SYN3: variants seen among roughly 807,000 people sequenced by gnomAD.
The protein encoded by SYN3 is synapsin III.
Under a neutral mutation model 65.8 loss-of-function variants are expected in SYN3, and 35 were observed. The observed-to-expected ratio is 0.53, with a 90% CI of 0.41 to 0.70. SYN3 has a LOEUF of 0.70. Among genes scored for constraint, SYN3 ranks in the 30% least tolerant of loss-of-function variants. The probability of loss-of-function intolerance (pLI) is 0.00; values close to 1 mark genes in which losing one functional copy is unlikely to be tolerated. For synonymous variants in SYN3, 270 were observed against 292.9 expected (o/e 0.92, Z 0.80); for missense variants, 680 against 749.0 (o/e 0.91, Z 1.08).
At chr22:32,624,448 T>C (rs1295914503) in intron 6 of SYN3, among the ~76,000 whole-genome samples, 1 of 152,176 alleles carries the variant, frequency 6.6e-6, no homozygotes, top group Non-Finnish European at 1.5e-5. Context: ...TGAAATACTT[T>C]CATCTCATTG....
At chr22:32,619,362 T>C (rs1456810155) in intron 6 of SYN3, among the ~76,000 whole-genome samples, 2 of 152,220 alleles carry the variant, frequency 1.3e-5, no homozygotes, top group Non-Finnish European at 2.9e-5. Flanking sequence ...CAGCCTTTGA[T>C]CCCAAAATGT....
At chr22:32,889,318 T>A (rs2049376275) in intron 4 of SYN3, among the ~76,000 whole-genome samples, 1 of 152,014 alleles carries the variant, frequency 6.6e-6, no homozygotes, top group South Asian at 2.1e-4. Context: ...TTCTAAACAC[T>A]CTTGCTTCAG....
intron 5 of SYN3, among the ~76,000 whole-genome samples, chr22:32,868,423 C>T (rs2048747807): frequency 1.3e-5 from 2 of 150,962 alleles, no homozygotes; most frequent in Non-Finnish European, 2.9e-5. Context: ...TATATATTAA[C>T]GTATATGCAT....
chr22:33,056,821 A>G (rs1325227761), intron 1 of SYN3, among the ~76,000 whole-genome samples: 2 of 151,964 alleles, frequency 1.3e-5, no homozygotes, highest in Non-Finnish European at 2.9e-5. Context: ...TCTTTCTACT[A>G]CACCAATCTA....
At chr22:32,682,189 G>A (rs987755604) in intron 6 of SYN3, among the ~76,000 whole-genome samples, 1 of 152,094 alleles carries the variant, frequency 6.6e-6, no homozygotes, top group Non-Finnish European at 1.5e-5. Context: ...GAGTGGGGGT[G>A]GGATGCTACT....
intron 6 of SYN3, among the ~76,000 whole-genome samples, chr22:32,834,511 T>G (rs2047673981): frequency 6.6e-6 from 1 of 152,104 alleles, no homozygotes; most frequent in Admixed American, 6.5e-5. Flanking sequence ...GAGTAAGAAG[T>G]GTCACATGCA....
chr22:32,708,652 C>T (rs2060912669), intron 6 of SYN3, among the ~76,000 whole-genome samples: 1 of 152,214 alleles, frequency 6.6e-6, no homozygotes, highest in Admixed American at 6.5e-5. Context: ...ACAGAAGCAG[C>T]TTGCCTGAGG....
At chr22:32,900,765 A>G (rs1262117814) in intron 4 of SYN3, among the ~76,000 whole-genome samples, 1 of 152,204 alleles carries the variant, frequency 6.6e-6, no homozygotes, top group Non-Finnish European at 1.5e-5. Context: ...TACTATGGTC[A>G]TTATCTCACC....
intron 7 of SYN3, among the ~76,000 whole-genome samples, chr22:32,552,245 C>CAAAAACA (rs899101150): frequency 1.3e-5 from 2 of 151,440 alleles, no homozygotes; most frequent in South Asian, 2.1e-4. Context: ...GACTCCATCT[C>CAAAAACA]AAAAACAAAA....
chr22:32,998,280 C>G (rs2052947367), intron 2 of SYN3, among the ~76,000 whole-genome samples: 1 of 152,134 alleles, frequency 6.6e-6, no homozygotes, highest in Non-Finnish European at 1.5e-5. Context: ...AAGGTGCTTA[C>G]CAATGGGTGT....
intron 4 of SYN3, among the ~76,000 whole-genome samples, chr22:32,902,119 C>T (rs2049776885): frequency 6.6e-6 from 1 of 152,226 alleles, no homozygotes; most frequent in South Asian, 2.1e-4. Flanking sequence ...AGTGGAGGCA[C>T]CTTCCAGGCA....
chr22:32,593,441 GGAGA>G (rs1045923194), intron 7 of SYN3, among the ~76,000 whole-genome samples: 125 of 152,230 alleles, frequency 8.2e-4, no homozygotes, highest in Middle Eastern at 3.4e-3. Context: ...GGAAATGGGT[GGAGA>G]GAAAGATACA....
chr22:32,935,308 T>TCTCTCTCA (rs1556021081), intron 3 of SYN3, among the ~76,000 whole-genome samples: 77 of 149,206 alleles, frequency 5.2e-4, no homozygotes, highest in African/African-American at 1.7e-3. Context: ...TCTCTCTCTC[T>TCTCTCTCA]CACACACACA....
At chr22:33,051,419 C>T (rs1457025776) in intron 1 of SYN3, among the ~76,000 whole-genome samples, 1 of 152,142 alleles carries the variant, frequency 6.6e-6, no homozygotes, top group Non-Finnish European at 1.5e-5. Flanking sequence ...TAGCAGTTTT[C>T]CTCAGCTGCT....
At chr22:33,003,932 C>T (rs922432486) in intron 2 of SYN3, among the ~76,000 whole-genome samples, 4 of 152,154 alleles carry the variant, frequency 2.6e-5, no homozygotes, top group Admixed American at 6.5e-5. Flanking sequence ...GTGCCTGTGT[C>T]GCAGCCACTT....
chr22:33,019,577 C>G (rs531495370), intron 1 of SYN3, among the ~76,000 whole-genome samples: 1 of 152,214 alleles, frequency 6.6e-6, no homozygotes, highest in Non-Finnish European at 1.5e-5. Context: ...AGTGCAAGGC[C>G]TGACATGTCA....
intron 6 of SYN3, 179 bp downstream of exon 6, chr22:32,864,736 G>A (rs576063734): frequency 5.2e-6 from 3 of 575,140 alleles, no homozygotes; most frequent in African/African-American, 3.7e-5. Flanking sequence ...TTCACCTGGA[G>A]AGACGACTTC....
At chr22:32,710,891 A>C (rs1390738231) in intron 6 of SYN3, among the ~76,000 whole-genome samples, 1 of 152,130 alleles carries the variant, frequency 6.6e-6, no homozygotes, top group East Asian at 1.9e-4. Context: ...GCAATGCAAG[A>C]ATGAACTAAT....
chr22:32,859,087 A>T, intron 6 of SYN3: 2 of 1,258,086 alleles, frequency 1.6e-6, no homozygotes, highest in African/African-American at 1.5e-5. Context: ...CTTCCCATGC[A>T]GTGGCCCCAG....
Sources: allele counts gnomAD v4.1 joint callset (sites outside exome capture counted in the v4.1 genomes callset), GRCh38; gene constraint gnomAD v4.1.1; transcripts MANE v1.5; gene names NCBI Gene and HGNC (gene_info 2026-07-23, HGNC 2026-07-21).